Variants in CAP2 observed in about 807,000 individuals in gnomAD.
CAP2 encodes cyclase associated actin cytoskeleton regulatory protein 2, also known as adenylyl cyclase-associated protein 2.
CAP2 carries 24 observed loss-of-function variants against 57.7 expected under a neutral mutation model. That is an observed-to-expected ratio of 0.42 (90% confidence interval 0.30 to 0.58). The LOEUF (loss-of-function observed/expected upper bound fraction) is 0.58. Among genes scored for constraint, CAP2 ranks in the 20% least tolerant of loss-of-function variants. The pLI is 0.22. For missense variants in CAP2, 501 were observed against 590.3 expected, an observed-to-expected ratio of 0.85 and a Z score of 1.57; for synonymous variants, 194 against 207.2, an observed-to-expected ratio of 0.94 and a Z score of 0.55.
intron 4 of CAP2, among the ~76,000 whole-genome samples, chr6:17,488,272 CT>C (rs1761468079): frequency 6.6e-6 from 1 of 152,160 alleles, no homozygotes; most frequent in Admixed American, 6.5e-5. Flanking sequence ...GCTTTGTGCT[CT>C]TTTTGGTATC....
intron 4 of CAP2, among the ~76,000 whole-genome samples, chr6:17,464,090 C>T (rs1399632356): frequency 6.6e-6 from 1 of 152,170 alleles, no homozygotes; most frequent in Non-Finnish European, 1.5e-5. Context: ...AAACTACTGA[C>T]ATTGTATCAT....
chr6:17,542,978 C>T lies in CAP2; in HGVS notation c.1126+18C>T, dbSNP rs1762942807. ...TATAATTGGTAGGGCAGAATTATGG[C>T]TCTATGGTTATTATGATGTTTTATA... is the stretch of plus-strand genomic sequence containing the variant. On this transcript the variant is annotated intron_variant, in intron 10 of 12. Transcript: ENST00000229922. 6.2e-7 allele frequency: 1 copy of T among 1,612,956 alleles called. No individual in the cohort carries two copies. The highest frequency in any genetic ancestry group is 1.7e-5 in the Admixed American group (1 of 59,974).
intron 7 of CAP2, chr6:17,536,279 G>A: frequency 4.4e-6 from 2 of 456,696 alleles, no homozygotes; most frequent in South Asian, 3.1e-5. Flanking sequence ...CTTTGCAAGG[G>A]GCAGCTCACG....
intron 4 of CAP2, among the ~76,000 whole-genome samples, chr6:17,473,419 G>A (rs1761072330): frequency 6.6e-6 from 1 of 152,102 alleles, no homozygotes; most frequent in Non-Finnish European, 1.5e-5. Context: ...TGCTTGCTTA[G>A]CCACCATCAA....
chr6:17,546,488 G>A (rs927062362), intron 11 of CAP2, among the ~76,000 whole-genome samples: 3 of 152,190 alleles, frequency 2.0e-5, no homozygotes, highest in Non-Finnish European at 4.4e-5. Flanking sequence ...CTCCCGTTCT[G>A]TAGGTTGCCT....
At chr6:17,531,393 C>T in intron 7 of CAP2, 2 of 1,594,794 alleles carry the variant, frequency 1.3e-6, no homozygotes, top group Non-Finnish European at 1.7e-6. Flanking sequence ...TCTGCAGGTA[C>T]ATAGAAGTTG....
intron 11 of CAP2, among the ~76,000 whole-genome samples, chr6:17,546,626 A>G (rs1010117217): frequency 1.3e-5 from 2 of 152,192 alleles, no homozygotes; most frequent in Admixed American, 6.5e-5. Context: ...GCCCATGCCT[A>G]TGTCCTGAAT....
chr6:17,549,144 T>C (rs1763116072), intron 11 of CAP2, among the ~76,000 whole-genome samples: 1 of 152,186 alleles, frequency 6.6e-6, no homozygotes, highest in South Asian at 2.1e-4. Flanking sequence ...GATTTGTATC[T>C]AGAATTTATA....
chr6:17,543,345 C>T (rs111548316), intron 11 of CAP2, among the ~76,000 whole-genome samples: 230 of 152,248 alleles, frequency 1.5e-3, no homozygotes, highest in Non-Finnish European at 2.7e-3. Context: ...CAGCCAGTCG[C>T]GGTGGCTCAC....
intron 3 of CAP2, among the ~76,000 whole-genome samples, chr6:17,456,946 T>A (rs942509813): frequency 6.6e-6 from 1 of 152,178 alleles, no homozygotes; most frequent in Non-Finnish European, 1.5e-5. Context: ...GGGAGCCAGC[T>A]GTCTTTCCTG....
chr6:17,499,422 T>TAAAAAAAAAAA (rs1761745324), intron 4 of CAP2, among the ~76,000 whole-genome samples: 3 of 137,706 alleles, frequency 2.2e-5, no homozygotes, highest in East Asian at 2.1e-4. Flanking sequence ...AAAAAAAAAT[T>TAAAAAAAAAAA]AAAGTAGGAG....
At chr6:17,408,577 T>G (rs997872752) in intron 1 of CAP2, among the ~76,000 whole-genome samples, 2 of 152,036 alleles carry the variant, frequency 1.3e-5, no homozygotes, top group African/African-American at 4.8e-5. Flanking sequence ...GACAAGGCAT[T>G]CTTCACATTG....
chr6:17,520,138 C>A (rs1308118847), intron 7 of CAP2, among the ~76,000 whole-genome samples: 1 of 151,994 alleles, frequency 6.6e-6, no homozygotes, highest in African/African-American at 2.4e-5. Context: ...TACAGAGTTT[C>A]GCTCTGATGC....
chr6:17,515,494 T>A (rs541731733), intron 7 of CAP2, among the ~76,000 whole-genome samples: 2 of 152,192 alleles, frequency 1.3e-5, no homozygotes, highest in African/African-American at 4.8e-5. Context: ...ACTGAAAAAC[T>A]ACTTACTGGG....
chr6:17,531,226 A>G, intron 7 of CAP2: 1 of 779,440 alleles, frequency 1.3e-6, no homozygotes. Flanking sequence ...CATGCAGTGT[A>G]TGGCTCTACA....
intron 7 of CAP2, among the ~76,000 whole-genome samples, chr6:17,534,512 C>G (rs76894328): frequency 4.5e-4 from 69 of 152,276 alleles, no homozygotes; most frequent in Non-Finnish European, 5.7e-4. Context: ...TCCTAGCCCT[C>G]GTTCTTGGCA....
chr6:17,421,825 C>G lies in CAP2; in HGVS notation c.121+149C>G. ...GACCATAACATTAACCAGAGGCAAGCAATCCCTGAAAAAGAGAAAGGAAGA... is the reference window on the plus strand; with the variant it reads ...GACCATAACATTAACCAGAGGCAAGGAATCCCTGAAAAAGAGAAAGGAAGA... On this transcript the variant is annotated intron_variant, in intron 2 of 12. Transcript: ENST00000229922. The G allele has an allele frequency of 2.3e-6, 2 of 878,796 alleles. 1 individual carries two copies. Among genetic ancestry groups the G allele is most frequent in the South Asian group, 3.2e-5 (2 of 62,636 alleles). 54.4% of individuals were successfully genotyped at this position (878,796 alleles called of 1,614,324 possible).
chr6:17,401,323 T>C (rs1031385485), intron 1 of CAP2, among the ~76,000 whole-genome samples: 3 of 152,212 alleles, frequency 2.0e-5, no homozygotes, highest in African/African-American at 7.2e-5. Flanking sequence ...TTGATCTGCA[T>C]TGATCTTGGA....
rs747567074 is a variant in CAP2 at position 17,543,099 on chromosome 6, G to C, written c.1165G>C (p.Val389Leu). 14 of 1,614,124 alleles carry C rather than the reference G, an allele frequency of 8.7e-6. No individual in the cohort carries two copies. Among genetic ancestry groups the C allele is most frequent in the Non-Finnish European group, 1.2e-5 (14 of 1,179,968 alleles). The change falls in exon 11 of 13, where the codon GTG (valine) becomes CTG (leucine). Residue 389 changes from valine (V) to leucine (L), a missense_variant. Val to Leu is a conservative substitution (Grantham distance 32). Coordinates refer to ENST00000229922, the MANE Select transcript of CAP2 (RefSeq NM_006366.3). ...ACTCGGCCTGGTGTTTGACAATGTG[G>C]TGGGCATTGTGGAAGTGATCAACTC... The part of the protein sequence containing the change: ...KKLGLVFDNV[V>L]GIVEVINSQD...
Sources: allele counts gnomAD v4.1 joint callset (sites outside exome capture counted in the v4.1 genomes callset), GRCh38; gene constraint gnomAD v4.1.1; transcripts MANE v1.5; gene names NCBI Gene and HGNC (gene_info 2026-07-23, HGNC 2026-07-21).